The following RGS5 variants were observed in gnomAD, a reference collection of about 807,000 sequenced individuals.
The protein encoded by RGS5 is regulator of G protein signaling 5.
In RGS5, 20 loss-of-function variants were observed where a neutral mutation model predicts 18.9. The ratio of observed to expected loss-of-function variants is 1.06; its 90% confidence interval spans 0.74 to 1.54. The LOEUF is 1.54. RGS5 is among the 40% of genes most tolerant of loss of function. The pLI is 0.00. For missense variants in RGS5, 201 were observed against 211.8 expected, an observed-to-expected ratio of 0.95 and a Z score of 0.32; for synonymous variants, 57 against 76.2, an observed-to-expected ratio of 0.75 and a Z score of 1.31.
At chr1:163,157,377 G>T (rs1195490391) in intron 3 of RGS5, among the ~76,000 whole-genome samples, 1 of 152,152 alleles carries the variant, frequency 6.6e-6, no homozygotes, top group Non-Finnish European at 1.5e-5. Flanking sequence ...AAAACATGTA[G>T]GAAGTTGATA....
At chr1:163,156,001 A>G (rs967958662) in intron 3 of RGS5, among the ~76,000 whole-genome samples, 7 of 152,188 alleles carry the variant, frequency 4.6e-5, no homozygotes, top group African/African-American at 1.4e-4. Flanking sequence ...AACAAGATGA[A>G]AACACCTATA....
At chr1:163,309,484 C>G (rs1221644526) in intron 1 of RGS5, among the ~76,000 whole-genome samples, 1 of 134,060 alleles carries the variant, frequency 7.5e-6, no homozygotes, top group Non-Finnish European at 1.6e-5. Context: ...GCAATAGATT[C>G]CATCTAAGGA....
chr1:163,281,555 T>C (rs1557929734), intron 2 of RGS5, among the ~76,000 whole-genome samples: 1 of 152,112 alleles, frequency 6.6e-6, no homozygotes, highest in Non-Finnish European at 1.5e-5. Context: ...GGGATGGCAC[T>C]AAGCCATTCA....
chr1:163,292,516 T>C (rs1192183685), intron 2 of RGS5, among the ~76,000 whole-genome samples: 1 of 152,222 alleles, frequency 6.6e-6, no homozygotes, highest in East Asian at 1.9e-4. Context: ...ATGATTTATA[T>C]TCCTTTGGGT....
intron 2 of RGS5, among the ~76,000 whole-genome samples, chr1:163,286,582 T>A (rs1649153349): frequency 6.6e-6 from 1 of 152,090 alleles, no homozygotes. Context: ...TGTTTCTTGT[T>A]TTATTTTATG....
intron 1 of RGS5, among the ~76,000 whole-genome samples, chr1:163,171,640 G>A (rs567045750): frequency 6.6e-6 from 1 of 152,154 alleles, no homozygotes. Context: ...AAATATTTGT[G>A]TTTGATTTCC....
chr1:163,207,332 T>G (rs139524663), upstream of RGS5, among the ~76,000 whole-genome samples: 1 of 152,226 alleles, frequency 6.6e-6, no homozygotes, highest in East Asian at 1.9e-4. Context: ...GTACTTAAAT[T>G]AATATTCCTA....
chr1:163,320,911 G>A (rs186511285), intron 1 of RGS5, among the ~76,000 whole-genome samples: 1 of 152,192 alleles, frequency 6.6e-6, no homozygotes, highest in African/African-American at 2.4e-5. Flanking sequence ...TTCAGTTCAG[G>A]TTCCCCATCC....
intron 1 of RGS5, among the ~76,000 whole-genome samples, chr1:163,177,019 T>C (rs1658588090): frequency 6.6e-6 from 1 of 152,182 alleles, no homozygotes; most frequent in Non-Finnish European, 1.5e-5. Context: ...GCTATCCCTA[T>C]AGAGATCGAA....
intron 3 of RGS5, among the ~76,000 whole-genome samples, chr1:163,153,150 AG>A (rs1657444233): frequency 6.6e-6 from 1 of 152,208 alleles, no homozygotes; most frequent in Non-Finnish European, 1.5e-5. Flanking sequence ...GTTAATGTTA[AG>A]TATCACTATG....
chr1:163,165,172 C>A (rs2102397949), intron 2 of RGS5, among the ~76,000 whole-genome samples: 1 of 152,302 alleles, frequency 6.6e-6, no homozygotes, highest in East Asian at 1.9e-4. Flanking sequence ...GTACTCACAA[C>A]CAGGCTCATC....
At chr1:163,317,320 C>G (rs955211527) in intron 1 of RGS5, among the ~76,000 whole-genome samples, 2 of 152,156 alleles carry the variant, frequency 1.3e-5, no homozygotes, top group African/African-American at 4.8e-5. Context: ...TACATGACAG[C>G]AAATAGGGTA....
intron 1 of RGS5, among the ~76,000 whole-genome samples, chr1:163,307,368 C>T (rs1265482217): frequency 1.3e-5 from 2 of 152,064 alleles, no homozygotes; most frequent in Non-Finnish European, 1.5e-5. Flanking sequence ...GAGAACTTAA[C>T]AATGTCTTCT....
At chr1:163,190,328 G>T (rs1046566273) in intron 1 of RGS5, among the ~76,000 whole-genome samples, 5 of 152,108 alleles carry the variant, frequency 3.3e-5, no homozygotes, top group Admixed American at 3.3e-4. Context: ...CTTGCTATTG[G>T]ACATTAATTT....
At chr1:163,178,601 G>T (rs2102412733) in intron 1 of RGS5, among the ~76,000 whole-genome samples, 2 of 152,166 alleles carry the variant, frequency 1.3e-5, no homozygotes, top group Middle Eastern at 6.8e-3. Context: ...AGGGGCTCTA[G>T]CTTCAAGAGA....
intron 2 of RGS5, among the ~76,000 whole-genome samples, chr1:163,269,057 A>C (rs1276409088): frequency 6.6e-6 from 1 of 152,188 alleles, no homozygotes; most frequent in Non-Finnish European, 1.5e-5. Context: ...TGAAAGGAAT[A>C]AAGACCAGGG....
intron 3 of RGS5, among the ~76,000 whole-genome samples, chr1:163,160,158 T>A (rs553218430): frequency 6.6e-6 from 1 of 152,314 alleles, no homozygotes; most frequent in African/African-American, 2.4e-5. Flanking sequence ...CCCTAAGGAT[T>A]TAGTGTGACT....
At chr1:163,273,996 G>A (rs1317512483) in intron 2 of RGS5, among the ~76,000 whole-genome samples, 1 of 152,158 alleles carries the variant, frequency 6.6e-6, no homozygotes, top group Non-Finnish European at 1.5e-5. Flanking sequence ...GCCAAAGATT[G>A]GTCACAGCCA....
chr1:163,305,259 G>A (rs1170861530), intron 2 of RGS5: 1 of 152,554 alleles, frequency 6.6e-6, no homozygotes, highest in African/African-American at 2.4e-5. Flanking sequence ...ATCCTGGTCT[G>A]GAATTTTGGA....
Sources: allele counts gnomAD v4.1 joint callset (sites outside exome capture counted in the v4.1 genomes callset), GRCh38; gene constraint gnomAD v4.1.1; transcripts MANE v1.5; gene names NCBI Gene and HGNC (gene_info 2026-07-23, HGNC 2026-07-21).